DNAAF10: variants seen among roughly 807,000 people sequenced by gnomAD.
DNAAF10 encodes dynein axonemal assembly factor 10.
In DNAAF10, 28 loss-of-function variants were observed where a neutral mutation model predicts 43.7. That is an observed-to-expected ratio of 0.64 (90% CI 0.48 to 0.88). DNAAF10 has a LOEUF of 0.88. Ranked by LOEUF, DNAAF10 falls within the 40% of genes least tolerant of loss-of-function variation. DNAAF10 has a pLI of 0.00. For synonymous variants in DNAAF10, 156 were observed against 157.3 expected, an observed-to-expected ratio of 0.99 and a Z score of 0.06; for missense variants, 403 against 439.1, an observed-to-expected ratio of 0.92 and a Z score of 0.73.
chr2:68,141,858 A>G, intron 3 of DNAAF10, 63 bp from the exon 4 acceptor site: 1 of 1,365,976 alleles, frequency 7.3e-7, no homozygotes. Context: ...TCTTTTCTAC[A>G]TTCTTCTTCT....
At position 68,153,313 on chromosome 2, in the gene DNAAF10, C is replaced by T. The variant is rs141712369; in HGVS notation, c.183+3948G>A. 2.3e-3 allele frequency among the ~76,000 whole-genome samples: 328 copies of T among 141,076 alleles called. 1 individual carries two copies. Among genetic ancestry groups the T allele is most frequent in the African/African-American group, 8.0e-3 (297 of 37,328 alleles). The allele number at this position is 141,076 out of a possible 152,430, so 92.6% of individuals were successfully genotyped here. A position where few individuals can be genotyped will look rare whatever the true frequency, so the allele number is the denominator to read the frequency against. On this transcript the variant is annotated intron_variant, in intron 1 of 7. Transcript: ENST00000295121. ...TTTACATCTTTTCTTCTTAGATGCACGGGCTTTGTGAGCTCCAAGTCAGTG... is the reference window on the plus strand; with the variant it reads ...TTTACATCTTTTCTTCTTAGATGCATGGGCTTTGTGAGCTCCAAGTCAGTG...
chr2:68,154,047 C>T (rs1673525832), intron 1 of DNAAF10, among the ~76,000 whole-genome samples: 1 of 151,950 alleles, frequency 6.6e-6, no homozygotes, highest in South Asian at 2.1e-4. Flanking sequence ...GCACCGCGCC[C>T]AGCCCAGTGT....
intron 1 of DNAAF10, among the ~76,000 whole-genome samples, chr2:68,156,004 C>A (rs1481358442): frequency 1.3e-5 from 2 of 150,742 alleles, no homozygotes; most frequent in Non-Finnish European, 3.0e-5. Flanking sequence ...CCTGTAGTCC[C>A]AGCTACTTGG....
At chr2:68,134,323 G>C in intron 7 of DNAAF10, 1 of 1,024,806 alleles carries the variant, frequency 9.8e-7, no homozygotes, top group Non-Finnish European at 1.2e-6. Context: ...GCAGCCTCAG[G>C]CTCTGTTGGG....
intron 3 of DNAAF10, among the ~76,000 whole-genome samples, chr2:68,144,109 G>A (rs533921521): frequency 6.6e-6 from 1 of 152,284 alleles, no homozygotes; most frequent in East Asian, 1.9e-4. Context: ...GTCACTGCAG[G>A]GTGGAAGAGC....
intron 1 of DNAAF10, among the ~76,000 whole-genome samples, chr2:68,147,794 CTAA>C (rs1265087089): frequency 1.3e-5 from 2 of 152,196 alleles, no homozygotes; most frequent in East Asian, 1.9e-4. Flanking sequence ...TCTCCTCTCA[CTAA>C]TGAGACATTC....
chr2:68,152,906 T>G (rs556487437), intron 1 of DNAAF10, among the ~76,000 whole-genome samples: 1 of 152,356 alleles, frequency 6.6e-6, no homozygotes, highest in Non-Finnish European at 1.5e-5. Flanking sequence ...TTAAAAGATC[T>G]AGCCAACCAA....
intron 1 of DNAAF10, among the ~76,000 whole-genome samples, chr2:68,151,530 C>T (rs962050651): frequency 6.6e-6 from 1 of 152,174 alleles, no homozygotes; most frequent in Non-Finnish European, 1.5e-5. Context: ...TTATGTCCCC[C>T]TTTCTAGAAT....
chr2:68,150,096 T>A (rs902557453), intron 1 of DNAAF10, among the ~76,000 whole-genome samples: 1 of 152,204 alleles, frequency 6.6e-6, no homozygotes, highest in Non-Finnish European at 1.5e-5. Context: ...TGATGAGGGT[T>A]TCTGTGATTC....
chr2:68,131,164 C>A lies in DNAAF10; in HGVS notation c.*74G>T. The A allele has an allele frequency of 6.8e-7, 1 of 1,466,976 alleles. No homozygotes were observed. The highest frequency in any genetic ancestry group is 9.5e-7 in the Non-Finnish European group (1 of 1,050,782). The allele number at this position is 1,466,976 out of a possible 1,614,324, so 90.9% of individuals were successfully genotyped here. A position where few individuals can be genotyped will look rare whatever the true frequency, so the allele number is the denominator to read the frequency against. On this transcript the variant is annotated 3_prime_UTR_variant, in exon 8 of 8. Transcript: ENST00000295121. ...CGATCTCCTGACCTTCTGATCCACC[C>A]GCCTCGGCCTCCCAAAGTGCTGGGA... is the stretch of plus-strand genomic sequence containing the variant.
At chr2:68,144,297 A>AT (rs903122258) in intron 3 of DNAAF10, among the ~76,000 whole-genome samples, 1 of 152,250 alleles carries the variant, frequency 6.6e-6, no homozygotes, top group Admixed American at 6.5e-5. Context: ...CTGTAAAGAC[A>AT]TTTTAAATCC....
At chr2:68,134,025 AT>A in intron 7 of DNAAF10, 1 of 610,682 alleles carries the variant, frequency 1.6e-6, no homozygotes, top group Non-Finnish European at 2.0e-6. Flanking sequence ...GAAAGATATA[AT>A]TTTTCCCCTC....
chr2:68,146,861 T>C, intron 2 of DNAAF10, among the ~76,000 whole-genome samples: 1 of 152,164 alleles, frequency 6.6e-6, no homozygotes, highest in East Asian at 1.9e-4. Flanking sequence ...ATACTTTAAA[T>C]GATTAAAATA....
At chr2:68,133,616 C>T (rs1243218617) in intron 7 of DNAAF10, among the ~76,000 whole-genome samples, 5 of 151,918 alleles carry the variant, frequency 3.3e-5, no homozygotes, top group South Asian at 4.2e-4. Context: ...AGCCAGGCGT[C>T]GTGGCGGGCA....
rs13384623 is a variant in DNAAF10, at chr2:68,157,524, T to G, written c.-81A>C. 1.8e-5 allele frequency: 28 copies of G among 1,584,120 alleles called. No individual in the cohort carries two copies. Among genetic ancestry groups the G allele is most frequent in the Non-Finnish European group, 2.1e-5 (24 of 1,152,930 alleles). ...AACCTGGAAACCAGACTCCAAACATTGGCAATTTGTCCCTCCCGCTTTCCG... is the reference window on the plus strand; with the variant it reads ...AACCTGGAAACCAGACTCCAAACATGGGCAATTTGTCCCTCCCGCTTTCCG... On this transcript the variant is annotated 5_prime_UTR_variant, in exon 1 of 8. Transcript: ENST00000295121.
chr2:68,145,292 T>C (rs974647430), intron 2 of DNAAF10, among the ~76,000 whole-genome samples: 2 of 152,064 alleles, frequency 1.3e-5, no homozygotes, highest in African/African-American at 4.8e-5. Flanking sequence ...ACAGTTTTTT[T>C]CAATTCTGGG....
Position 68,131,456 on chromosome 2 carries a change from G to A in DNAAF10, c.867-11C>T. 3 of 1,601,784 alleles carry A rather than the reference G, an allele frequency of 1.9e-6. No homozygotes were observed. ...TGAATAGGGTATTCACTGAAAACAA[G>A]ATCAAAATGGTAAGAGCGCATAAAT... On this transcript the variant is annotated splice_polypyrimidine_tract_variant and intron_variant, in intron 7 of 7. Transcript: ENST00000295121.
chr2:68,141,489 C>T (rs1558609116), intron 4 of DNAAF10, among the ~76,000 whole-genome samples: 1 of 152,206 alleles, frequency 6.6e-6, no homozygotes, highest in Admixed American at 6.5e-5. Flanking sequence ...TGGTAACTTG[C>T]TCCAGGCCAC....
chr2:68,156,627 G>C (rs1360050090), intron 1 of DNAAF10, among the ~76,000 whole-genome samples: 1 of 152,142 alleles, frequency 6.6e-6, no homozygotes, highest in Non-Finnish European at 1.5e-5. Context: ...TGCAATGTCT[G>C]GTTCCTGCTT....
Sources: allele counts gnomAD v4.1 joint callset (sites outside exome capture counted in the v4.1 genomes callset), GRCh38; gene constraint gnomAD v4.1.1; transcripts MANE v1.5; gene names NCBI Gene and HGNC (gene_info 2026-07-23, HGNC 2026-07-21).